SLC24A3: variants seen among roughly 807,000 people sequenced by gnomAD.
The protein encoded by SLC24A3 is solute carrier family 24 member 3.
In SLC24A3, 28 loss-of-function variants were observed where a neutral mutation model predicts 75.8. The ratio of observed to expected loss-of-function variants is 0.37; its 90% CI spans 0.27 to 0.51. The LOEUF is 0.51. Among genes scored for constraint, SLC24A3 ranks in the 20% least tolerant of loss-of-function variants. The pLI, the probability that SLC24A3 is intolerant of heterozygous loss-of-function variation, is 0.94. For missense variants in SLC24A3, 663 were observed against 847.8 expected (o/e 0.78, Z 2.71); for synonymous variants, 372 against 334.1 (o/e 1.11, Z -1.24).
At chr20:19,534,860 C>T (rs2030368108) in intron 3 of SLC24A3, among the ~76,000 whole-genome samples, 1 of 152,168 alleles carries the variant, frequency 6.6e-6, no homozygotes, top group Non-Finnish European at 1.5e-5. Context: ...TTTCTCAGGA[C>T]ACTAGTGAAA....
At chr20:19,492,094 C>T (rs1248965498) in intron 2 of SLC24A3, among the ~76,000 whole-genome samples, 2 of 152,150 alleles carry the variant, frequency 1.3e-5, no homozygotes, top group Non-Finnish European at 2.9e-5. Flanking sequence ...CCAGGTTGTT[C>T]ACTGTGCACT....
At chr20:19,299,439 T>C (rs1984145139) in intron 2 of SLC24A3, among the ~76,000 whole-genome samples, 1 of 152,090 alleles carries the variant, frequency 6.6e-6, no homozygotes, top group East Asian at 1.9e-4. Context: ...CCTCCGTCCA[T>C]GTGTCAGACT....
At chr20:19,707,428 G>A (rs1043676301) in intron 15 of SLC24A3, among the ~76,000 whole-genome samples, 1 of 152,322 alleles carries the variant, frequency 6.6e-6, no homozygotes, top group East Asian at 1.9e-4. Flanking sequence ...CTGTTCATGC[G>A]GAAGTAAGTC....
intron 2 of SLC24A3, among the ~76,000 whole-genome samples, chr20:19,364,573 G>A (rs1985851046): frequency 6.6e-6 from 1 of 152,094 alleles, no homozygotes. Context: ...CTCTACTTCA[G>A]CCTCCCGAGT....
At chr20:19,715,761 C>CAG (rs2033039253) in intron 15 of SLC24A3, among the ~76,000 whole-genome samples, 1 of 152,256 alleles carries the variant, frequency 6.6e-6, no homozygotes, top group South Asian at 2.1e-4. Context: ...CAGAAGGGCC[C>CAG]AGAACCACTC....
intron 1 of SLC24A3, among the ~76,000 whole-genome samples, chr20:19,277,136 G>T (rs1432438931): frequency 6.6e-6 from 1 of 152,186 alleles, no homozygotes; most frequent in East Asian, 1.9e-4. Context: ...GATCTACCAA[G>T]AATTTGTCCT....
intron 2 of SLC24A3, among the ~76,000 whole-genome samples, chr20:19,503,335 T>G (rs1180844816): frequency 6.6e-6 from 1 of 152,176 alleles, no homozygotes; most frequent in Non-Finnish European, 1.5e-5. Flanking sequence ...TGAATTACAT[T>G]TTTGGTTTGA....
At chr20:19,708,909 A>C (rs1254747617) in intron 15 of SLC24A3, among the ~76,000 whole-genome samples, 1 of 152,206 alleles carries the variant, frequency 6.6e-6, no homozygotes, top group African/African-American at 2.4e-5. Context: ...GGAAGGGCTT[A>C]CCTGGAAAGC....
chr20:19,485,757 G>A (rs1009306818), intron 2 of SLC24A3, among the ~76,000 whole-genome samples: 16 of 151,930 alleles, frequency 1.1e-4, no homozygotes, highest in African/African-American at 2.2e-4. Flanking sequence ...AGATTCACAC[G>A]CTCCCAAAAC....
At chr20:19,504,419 G>C (rs1988432196) in intron 2 of SLC24A3, among the ~76,000 whole-genome samples, 1 of 152,126 alleles carries the variant, frequency 6.6e-6, no homozygotes, top group Non-Finnish European at 1.5e-5. Flanking sequence ...AATATTTAAA[G>C]TTTAAAAACT....
intron 3 of SLC24A3, among the ~76,000 whole-genome samples, chr20:19,540,082 G>A (rs2030468853): frequency 1.3e-5 from 2 of 152,176 alleles, no homozygotes; most frequent in Admixed American, 6.5e-5. Flanking sequence ...GGGAGAAGAG[G>A]GATGGGAGAC....
chr20:19,607,814 G>A (rs2031617428), intron 6 of SLC24A3, among the ~76,000 whole-genome samples: 1 of 152,180 alleles, frequency 6.6e-6, no homozygotes, highest in African/African-American at 2.4e-5. Flanking sequence ...TACTGATAAG[G>A]CTTCCTGAGC....
At chr20:19,546,503 C>T (rs1050523007) in intron 3 of SLC24A3, among the ~76,000 whole-genome samples, 1 of 152,336 alleles carries the variant, frequency 6.6e-6, no homozygotes, top group Admixed American at 6.5e-5. Flanking sequence ...GCCCTGCTCC[C>T]TGAACCCCAT....
intron 1 of SLC24A3, 137 bp downstream of exon 1, chr20:19,213,121 A>G (rs1392877862): frequency 3.0e-6 from 3 of 995,434 alleles, no homozygotes; most frequent in Non-Finnish European, 1.3e-6. Context: ...GGGGAGTGGG[A>G]TGCCAGGCAC....
chr20:19,318,844 G>T (rs1312345208), intron 2 of SLC24A3, among the ~76,000 whole-genome samples: 1 of 152,150 alleles, frequency 6.6e-6, no homozygotes, highest in Non-Finnish European at 1.5e-5. Context: ...GCCTGCCTGC[G>T]AGGGGAGATA....
intron 6 of SLC24A3, among the ~76,000 whole-genome samples, chr20:19,597,760 T>G (rs1479880682): frequency 6.6e-6 from 1 of 152,198 alleles, no homozygotes; most frequent in Non-Finnish European, 1.5e-5. Flanking sequence ...TATCCATCAT[T>G]CTACTTTCTG....
intron 6 of SLC24A3, among the ~76,000 whole-genome samples, chr20:19,585,900 T>C (rs547099847): frequency 1.3e-5 from 2 of 152,330 alleles, no homozygotes; most frequent in Admixed American, 6.5e-5. Context: ...TTTTTGCTCA[T>C]TGGAAATAGA....
chr20:19,558,916 G>A (rs1407021136), intron 3 of SLC24A3, among the ~76,000 whole-genome samples: 1 of 152,096 alleles, frequency 6.6e-6, no homozygotes, highest in African/African-American at 2.4e-5. Context: ...TCCTGGTTTG[G>A]GGGTATTATG....
intron 9 of SLC24A3, among the ~76,000 whole-genome samples, chr20:19,678,993 G>A (rs1462177108): frequency 6.6e-6 from 1 of 151,836 alleles, no homozygotes; most frequent in Non-Finnish European, 1.5e-5. Context: ...ATGGCGGCCG[G>A]GCAGAGACGC....
Sources: allele counts gnomAD v4.1 joint callset (sites outside exome capture counted in the v4.1 genomes callset), GRCh38; gene constraint gnomAD v4.1.1; transcripts MANE v1.5; gene names NCBI Gene and HGNC (gene_info 2026-07-23, HGNC 2026-07-21).